Variants in AGBL4 observed in about 807,000 individuals in gnomAD.
AGBL4 encodes AGBL carboxypeptidase 4.
Under a neutral mutation model 66.4 loss-of-function variants are expected in AGBL4, and 58 were observed. The observed-to-expected ratio is 0.87, with a 90% CI of 0.71 to 1.09. The LOEUF (loss-of-function observed/expected upper bound fraction) is 1.09, where lower values mean the gene tolerates loss of function less well. Ranked by LOEUF, AGBL4 falls within the 50% of genes least tolerant of loss-of-function variation. AGBL4 has a pLI of 0.00. For missense variants in AGBL4, 579 were observed against 631.0 expected (o/e 0.92, Z 0.88); for synonymous variants, 234 against 222.9 (o/e 1.05, Z -0.44).
intron 6 of AGBL4, among the ~76,000 whole-genome samples, chr1:48,734,042 T>G (rs944189598): frequency 6.6e-6 from 1 of 152,330 alleles, no homozygotes; most frequent in Admixed American, 6.5e-5. Context: ...GTCGGTCACC[T>G]ACCAGGCAGG....
At chr1:49,982,699 C>G (rs1390048349) in intron 1 of AGBL4, among the ~76,000 whole-genome samples, 2 of 152,160 alleles carry the variant, frequency 1.3e-5, no homozygotes, top group African/African-American at 4.8e-5. Context: ...ATGAACCAAT[C>G]AACATGCACT....
At chr1:48,723,671 A>G (rs1388950134) in intron 6 of AGBL4, among the ~76,000 whole-genome samples, 3 of 152,240 alleles carry the variant, frequency 2.0e-5, no homozygotes, top group Non-Finnish European at 4.4e-5. Context: ...AACTCTGGAG[A>G]GATATGCAGT....
intron 2 of AGBL4, among the ~76,000 whole-genome samples, chr1:49,797,493 G>C (rs1644758913): frequency 6.6e-6 from 1 of 152,116 alleles, no homozygotes; most frequent in Admixed American, 6.5e-5. Flanking sequence ...GAGTGGAGTG[G>C]CAGAATTATA....
intron 1 of AGBL4, among the ~76,000 whole-genome samples, chr1:49,961,793 T>C (rs1240784160): frequency 6.6e-6 from 1 of 152,062 alleles, no homozygotes; most frequent in Non-Finnish European, 1.5e-5. Context: ...ATGAACAGAA[T>C]ATACTAGTCA....
chr1:49,161,199 C>A (rs1395681079), intron 4 of AGBL4, among the ~76,000 whole-genome samples: 1 of 152,208 alleles, frequency 6.6e-6, no homozygotes, highest in Non-Finnish European at 1.5e-5. Flanking sequence ...TGGAGGGAAT[C>A]TCCTGGTCTG....
intron 6 of AGBL4, among the ~76,000 whole-genome samples, chr1:48,839,901 G>T (rs1195118842): frequency 6.6e-6 from 1 of 152,000 alleles, no homozygotes; most frequent in East Asian, 1.9e-4. Context: ...TGCAAGGGAG[G>T]CTTCTATGTC....
chr1:49,670,679 G>A (rs537467661), intron 3 of AGBL4, among the ~76,000 whole-genome samples: 10 of 152,292 alleles, frequency 6.6e-5, no homozygotes, highest in Non-Finnish European at 1.3e-4. Flanking sequence ...ATTGGCAAGA[G>A]GGTAGAAATC....
intron 3 of AGBL4, among the ~76,000 whole-genome samples, chr1:49,563,417 T>C (rs1484293639): frequency 6.6e-6 from 1 of 152,098 alleles, no homozygotes; most frequent in Admixed American, 6.6e-5. Flanking sequence ...CCAGTTTTTG[T>C]CTGTTCAGTA....
rs138451376 is a variant in AGBL4, at chr1:49,501,016, T to C, written c.282+196297A>G. Among the ~76,000 whole-genome samples the C allele has an allele frequency of 5.3e-4, 81 of 152,206 alleles. 1 individual carries two copies. The highest frequency in any genetic ancestry group is 9.4e-4 in the Non-Finnish European group (64 of 67,998). ...ATTCTATCCATCCACGAGCATGAAA[T>C]GTATTTGTTTGTATAGTCTATAATT... On this transcript the variant is annotated intron_variant, in intron 3 of 13. Coordinates refer to ENST00000371839, the MANE Select transcript of AGBL4 (RefSeq NM_032785.4).
intron 1 of AGBL4, among the ~76,000 whole-genome samples, chr1:49,989,286 T>C (rs1659744962): frequency 6.6e-6 from 1 of 152,120 alleles, no homozygotes; most frequent in African/African-American, 2.4e-5. Context: ...ATCTGAAATG[T>C]AGAGAAGGCT....
At chr1:49,901,755 A>C (rs985145311) in intron 1 of AGBL4, among the ~76,000 whole-genome samples, 1 of 152,210 alleles carries the variant, frequency 6.6e-6, no homozygotes, top group Admixed American at 6.5e-5. Flanking sequence ...AAAAGAACAA[A>C]GCTGGAGGCA....
In AGBL4 at chr1:49,159,556, G is replaced by A. The variant is rs142224013; in HGVS notation, c.377+86214C>T. ...ATTGTGTCTTGGGGTTGCTCTTCTC[G>A]AGGAATATCTTTGTGGTGTTCTCTG... is the stretch of plus-strand genomic sequence containing the variant. On this transcript the variant is annotated intron_variant, in intron 4 of 13. Transcript: ENST00000371839. Among the ~76,000 whole-genome samples the A allele has an allele frequency of 7.5e-3, 1,138 of 152,088 alleles. 12 individuals are homozygous for A. Among genetic ancestry groups the A allele is most frequent in the African/African-American group, 0.025 (1,055 of 41,480 alleles).
chr1:48,787,348 A>G (rs906730994), intron 6 of AGBL4, among the ~76,000 whole-genome samples: 7 of 152,212 alleles, frequency 4.6e-5, no homozygotes, highest in African/African-American at 1.4e-4. Context: ...GACAGGCACT[A>G]TCATCCAAAT....
At chr1:48,962,151 A>G (rs1658054683) in intron 5 of AGBL4, among the ~76,000 whole-genome samples, 2 of 151,634 alleles carry the variant, frequency 1.3e-5, no homozygotes, top group South Asian at 2.1e-4. Flanking sequence ...CATCCATCCA[A>G]CAGGTATTTG....
At chr1:49,841,996 C>A in intron 2 of AGBL4, 1 of 466,220 alleles carries the variant, frequency 2.1e-6, no homozygotes, top group Non-Finnish European at 4.0e-6. Flanking sequence ...CTCCTCCTCA[C>A]ACCCGGCCTC....
rs192812910 is a variant in AGBL4, at chr1:49,427,749, C to T, written c.283-181885G>A. 3.9e-5 allele frequency among the ~76,000 whole-genome samples: 6 copies of T among 152,316 alleles called. No individual in the cohort carries two copies. The East Asian group carries it at 5.8e-4, about 15-fold the overall frequency. ...GAAGAACAAAAGAAGAAAGTTTCCA[C>T]GGCGCAGAATGGGACCTGAGCAGGT... On this transcript the variant is annotated intron_variant, in intron 3 of 13. Transcript: ENST00000371839.
At chr1:49,114,561 G>A (rs1645477165) in intron 4 of AGBL4, among the ~76,000 whole-genome samples, 1 of 152,278 alleles carries the variant, frequency 6.6e-6, no homozygotes, top group Non-Finnish European at 1.5e-5. Flanking sequence ...CAACATGACT[G>A]TTTGGTGGAA....
chr1:48,864,176 T>C (rs1193194112), intron 6 of AGBL4, among the ~76,000 whole-genome samples: 1 of 151,990 alleles, frequency 6.6e-6, no homozygotes, highest in Non-Finnish European at 1.5e-5. Flanking sequence ...ACAATAAAGA[T>C]ATAAAAAGAT....
chr1:48,783,539 A>T (rs1289009900), intron 6 of AGBL4, among the ~76,000 whole-genome samples: 1 of 152,200 alleles, frequency 6.6e-6, no homozygotes, highest in Non-Finnish European at 1.5e-5. Flanking sequence ...GAATCAAACC[A>T]GTGGTTAAAA....
Sources: allele counts gnomAD v4.1 joint callset (sites outside exome capture counted in the v4.1 genomes callset), GRCh38; gene constraint gnomAD v4.1.1; transcripts MANE v1.5; gene names NCBI Gene and HGNC (gene_info 2026-07-23, HGNC 2026-07-21).